Variants in BBOF1 observed in about 807,000 individuals in gnomAD.
BBOF1 encodes the protein basal body-orientation factor 1.
In BBOF1, 62 loss-of-function variants were observed where a neutral mutation model predicts 68.0. The ratio of observed to expected loss-of-function variants is 0.91; its 90% CI spans 0.74 to 1.13. BBOF1 has a LOEUF of 1.13. Among genes scored for constraint, BBOF1 ranks in the 50% most tolerant of loss-of-function variants. BBOF1 has a pLI of 0.00. For missense variants in BBOF1, 534 were observed against 600.1 expected, an observed-to-expected ratio of 0.89 and a Z score of 1.15; for synonymous variants, 208 against 198.8, an observed-to-expected ratio of 1.05 and a Z score of -0.39.
intron 9 of BBOF1, chr14:74,072,637 A>G: frequency 6.2e-7 from 1 of 1,610,310 alleles, no homozygotes; most frequent in Non-Finnish European, 8.5e-7. Flanking sequence ...AAACAAACAA[A>G]CAAACAAAAA....
intron 9 of BBOF1, among the ~76,000 whole-genome samples, chr14:74,056,198 A>ATTTTTT (rs34594924): frequency 3.2e-5 from 4 of 123,926 alleles, no homozygotes; most frequent in South Asian, 2.8e-4. Context: ...CGCCCGGCTA[A>ATTTTTT]TTTTTTTTTT....
chr14:74,034,613 C>T lies in BBOF1; in HGVS notation c.495+442C>T, dbSNP rs184717626. Among the ~76,000 whole-genome samples, 558 of 152,270 alleles carry T rather than the reference C, an allele frequency of 3.7e-3. 2 individuals carry two copies. Among genetic ancestry groups the T allele is most frequent in the South Asian group, 7.0e-3 (34 of 4,824 alleles). On this transcript the variant is annotated intron_variant, in intron 4 of 11. Transcript: ENST00000394009. ...GAGTACTTTCAGAAAATTTATGTTA[C>T]CTTTCTGTGCTCTTTCTCTTACTTT... is the stretch of plus-strand genomic sequence containing the variant.
chr14:74,046,230 C>A, intron 6 of BBOF1, 100 bp downstream of exon 6: 1 of 1,066,804 alleles, frequency 9.4e-7, no homozygotes, highest in Non-Finnish European at 1.3e-6. Flanking sequence ...TCTGTTCTGG[C>A]TTACTTGCTT....
At chr14:74,054,385 G>GTT (rs893421010) in intron 8 of BBOF1, among the ~76,000 whole-genome samples, 2 of 141,644 alleles carry the variant, frequency 1.4e-5, no homozygotes, top group African/African-American at 2.6e-5. Flanking sequence ...TTTTTTTGTT[G>GTT]TTTTTTTTTT....
Position 74,064,808 on chromosome 14 carries a change from A to C in BBOF1, c.*109A>C. On this transcript the variant is annotated 3_prime_UTR_variant, in exon 12 of 12. Transcript: ENST00000394009. The stretch of plus-strand genomic sequence containing the variant: ...TCTTAAAGGAAAAGACAAAAAATTT[A>C]ACTCAAAAGTTACCTGTTTGCCATA... The C allele has an allele frequency of 6.2e-7, 1 of 1,613,644 alleles. No individual in the cohort carries two copies. Among genetic ancestry groups the C allele is most frequent in the Non-Finnish European group, 8.5e-7 (1 of 1,179,524 alleles).
At chr14:74,045,489 A>G (rs2059928808) in intron 5 of BBOF1, among the ~76,000 whole-genome samples, 2 of 151,736 alleles carry the variant, frequency 1.3e-5, no homozygotes, top group South Asian at 4.2e-4. Context: ...TTGTATTTTT[A>G]GTAGAGCTGG....
intron 5 of BBOF1, 65 bp from the exon 6 acceptor site, chr14:74,045,995 T>C (rs6574158): frequency 0.51 from 704,685 of 1,385,892 alleles, 186,301 homozygotes; most frequent in East Asian, 0.89. Context: ...AAAATAAATA[T>C]CTTTTGATGA....
intron 10 of BBOF1, among the ~76,000 whole-genome samples, chr14:74,079,686 C>G (rs970731558): frequency 6.6e-6 from 1 of 152,104 alleles, no homozygotes; most frequent in Non-Finnish European, 1.5e-5. Context: ...CCCGCCTCAG[C>G]CTCCCAAAGT....
In BBOF1 at chr14:74,055,620, G is replaced by A. The variant is rs1473802830; in HGVS notation, c.1323G>A (p.Leu441=). 1.1e-5 allele frequency: 17 copies of A among 1,613,738 alleles called. No individual in the cohort carries two copies. Among genetic ancestry groups the A allele is most frequent in the Non-Finnish European group, 1.4e-5 (17 of 1,179,882 alleles). The change falls in exon 9 of 12, where the codon TTG becomes TTA. Residue 441 remains leucine, a synonymous_variant. Transcript: ENST00000394009. ...HIEGNVDIGD[L]TWEQKEKVLR... ...AAGGAAATGTGGATATTGGAGATTT[G>A]ACCTGGGAGCAGAAGGAAAAAGTAT...
chr14:74,041,894 A>C (rs1189648434), intron 5 of BBOF1, among the ~76,000 whole-genome samples: 1 of 151,992 alleles, frequency 6.6e-6, no homozygotes, highest in African/African-American at 2.4e-5. Flanking sequence ...AAAATTAGCC[A>C]GGCATGGTGG....
chr14:74,028,593 A>G (rs1193674566), intron 2 of BBOF1, among the ~76,000 whole-genome samples: 1 of 151,446 alleles, frequency 6.6e-6, no homozygotes, highest in African/African-American at 2.4e-5. Context: ...CTTGAAACTC[A>G]TCTTGGCTAG....
At chr14:74,031,390 G>T (rs374349270) in intron 3 of BBOF1, among the ~76,000 whole-genome samples, 1 of 152,084 alleles carries the variant, frequency 6.6e-6, no homozygotes, top group African/African-American at 2.4e-5. Context: ...TGGAATTATA[G>T]GTGTAGGCCA....
intron 9 of BBOF1, among the ~76,000 whole-genome samples, chr14:74,075,964 AGTTAGATAATAAAAGTACATACT>A (rs1398184170): frequency 6.6e-6 from 1 of 152,232 alleles, no homozygotes; most frequent in Non-Finnish European, 1.5e-5. Context: ...AAGAGACAGA[AGTTAGATAATAAAAGTACATACT>A]GTATGATTCT....
intron 11 of BBOF1, among the ~76,000 whole-genome samples, chr14:74,062,114 T>G (rs907797503): frequency 2.0e-5 from 3 of 148,084 alleles, no homozygotes; most frequent in Admixed American, 1.4e-4. Flanking sequence ...CAGAATTGCT[T>G]GAACCTGGGA....
intron 8 of BBOF1, among the ~76,000 whole-genome samples, chr14:74,050,488 G>GT (rs754154007): frequency 6.6e-6 from 1 of 152,084 alleles, no homozygotes; most frequent in Non-Finnish European, 1.5e-5. Flanking sequence ...AGGTCATTAT[G>GT]TATCTTTTCA....
intron 9 of BBOF1, chr14:74,071,532 A>ATCAG: frequency 6.2e-7 from 1 of 1,612,832 alleles, no homozygotes; most frequent in Non-Finnish European, 8.5e-7. Flanking sequence ...AGCTCTCCAC[A>ATCAG]CTGTGTACTA....
At chr14:74,069,469 G>A (rs2060518970), downstream of BBOF1, among the ~76,000 whole-genome samples, 3 of 151,852 alleles carry the variant, frequency 2.0e-5, no homozygotes, top group Admixed American at 6.6e-5. Flanking sequence ...CTATTTAGCC[G>A]GCTGGACACG....
In BBOF1 at chr14:74,049,732, A is replaced by T. The variant is rs2060024487; in HGVS notation, c.823A>T (p.Ile275Phe). 4 of 1,610,868 alleles carry T rather than the reference A, an allele frequency of 2.5e-6. No homozygotes were observed. The South Asian group carries it at 4.4e-5, about 18-fold the overall frequency. The change falls in exon 8 of 12, where the codon ATT (isoleucine) becomes TTT (phenylalanine). Residue 275 changes from isoleucine (I) to phenylalanine (F), a missense_variant. Transcript: ENST00000394009. Reference sequence around the variant, plus strand: ...CAATGATCTGTTGGTTAAGGAAAAGATTATGCAACTTGTCCAGCAGAGATC... The same window carrying T: ...CAATGATCTGTTGGTTAAGGAAAAGTTTATGCAACTTGTCCAGCAGAGATC... ...EINDLLVKEK[I>F]MQLVQQRSQI...
Position 74,019,418 on chromosome 14 carries a change from G to C in BBOF1, c.-61G>C. 1 of 1,562,642 alleles carries C rather than the reference G, an allele frequency of 6.4e-7. No homozygotes were observed. On this transcript the variant is annotated 5_prime_UTR_variant, in exon 1 of 12. Coordinates refer to ENST00000394009, the MANE Select transcript of BBOF1 (RefSeq NM_025057.3). The stretch of plus-strand genomic sequence containing the variant: ...CGGCGTCCCGGTTCCCTTGGAGACA[G>C]AGCTGGCCAGGGCGGCCGCGGCTGG...
Sources: allele counts gnomAD v4.1 joint callset (sites outside exome capture counted in the v4.1 genomes callset), GRCh38; gene constraint gnomAD v4.1.1; transcripts MANE v1.5; gene names NCBI Gene and HGNC (gene_info 2026-07-23, HGNC 2026-07-21).